ADIPOR2: variants seen among roughly 807,000 people sequenced by gnomAD.
The protein encoded by ADIPOR2 is adiponectin receptor protein 2.
Under a neutral mutation model 40.9 loss-of-function variants are expected in ADIPOR2, and 18 were observed. The observed-to-expected ratio is 0.44, with a 90% CI of 0.30 to 0.65. The LOEUF is 0.65. ADIPOR2 is among the 30% of genes least tolerant of loss of function. ADIPOR2 has a pLI of 0.09. For synonymous variants in ADIPOR2, 165 were observed against 166.4 expected, an observed-to-expected ratio of 0.99 and a Z score of 0.06; for missense variants, 283 against 479.2, an observed-to-expected ratio of 0.59 and a Z score of 3.82.
chr12:1,728,266 C>T (rs895952568), intron 1 of ADIPOR2, among the ~76,000 whole-genome samples: 1 of 151,842 alleles, frequency 6.6e-6, no homozygotes, highest in Non-Finnish European at 1.5e-5. Flanking sequence ...GCACCTGCCA[C>T]CACGCCCGGC....
At chr12:1,732,410 T>A (rs1378884459) in intron 1 of ADIPOR2, among the ~76,000 whole-genome samples, 1 of 152,250 alleles carries the variant, frequency 6.6e-6, no homozygotes, top group Non-Finnish European at 1.5e-5. Flanking sequence ...TCATATAATA[T>A]GTAATCTTTT....
intron 1 of ADIPOR2, among the ~76,000 whole-genome samples, chr12:1,704,055 A>ATTTTTTTTTTTTT (rs57190793): frequency 1.5e-5 from 1 of 67,532 alleles, no homozygotes; most frequent in Admixed American, 2.1e-4. Flanking sequence ...TCTACCTGGA[A>ATTTTTTTTTTTTT]TTTTTTTTTT....
intron 1 of ADIPOR2, among the ~76,000 whole-genome samples, chr12:1,753,759 G>T (rs898357109): frequency 5.9e-5 from 9 of 152,084 alleles, no homozygotes; most frequent in Non-Finnish European, 8.8e-5. Flanking sequence ...GATTGGATAT[G>T]TAAAGCCCAG....
intron 1 of ADIPOR2, among the ~76,000 whole-genome samples, chr12:1,719,877 A>G (rs907283469): frequency 6.6e-6 from 1 of 152,048 alleles, no homozygotes. Flanking sequence ...GGGTTTTACC[A>G]TGTTGGCCAG....
chr12:1,769,382 T>G (rs1185950373), intron 2 of ADIPOR2, among the ~76,000 whole-genome samples: 4 of 152,220 alleles, frequency 2.6e-5, no homozygotes, highest in African/African-American at 9.6e-5. Context: ...GGATACCGCA[T>G]TAGCAACTCC....
intron 1 of ADIPOR2, among the ~76,000 whole-genome samples, chr12:1,728,872 CA>C (rs1227139652): frequency 6.6e-6 from 1 of 151,608 alleles, no homozygotes; most frequent in African/African-American, 2.4e-5. Context: ...CTGGTCTTTC[CA>C]TCTTCCATCT....
chr12:1,727,415 T>G (rs1353316657), intron 1 of ADIPOR2, among the ~76,000 whole-genome samples: 2 of 152,204 alleles, frequency 1.3e-5, no homozygotes, highest in Non-Finnish European at 2.9e-5. Flanking sequence ...TATGTTTGAG[T>G]ATCTTTTTCC....
intron 2 of ADIPOR2, among the ~76,000 whole-genome samples, chr12:1,769,520 A>C (rs1862452973): frequency 6.6e-6 from 1 of 152,234 alleles, no homozygotes. Flanking sequence ...AAATCAACAG[A>C]TTTATTAATA....
chr12:1,769,736 T>G (rs1405477112), intron 2 of ADIPOR2, among the ~76,000 whole-genome samples: 1 of 152,108 alleles, frequency 6.6e-6, no homozygotes, highest in Non-Finnish European at 1.5e-5. Context: ...GAGACAGGGT[T>G]TCACCACGTT....
intron 7 of ADIPOR2, among the ~76,000 whole-genome samples, chr12:1,785,528 C>T (rs191416223): frequency 4.9e-4 from 75 of 152,322 alleles, no homozygotes; most frequent in African/African-American, 1.7e-3. Context: ...AAATGTCCAT[C>T]AGCAGTGAGT....
At chr12:1,708,280 C>T (rs1319159436) in intron 1 of ADIPOR2, among the ~76,000 whole-genome samples, 2 of 151,508 alleles carry the variant, frequency 1.3e-5, no homozygotes, top group East Asian at 3.9e-4. Flanking sequence ...TTCTTGAAAC[C>T]AGTCCACCAG....
intron 1 of ADIPOR2, among the ~76,000 whole-genome samples, chr12:1,748,306 T>C (rs890775635): frequency 3.3e-5 from 5 of 152,194 alleles, no homozygotes; most frequent in Admixed American, 6.5e-5. Flanking sequence ...TGGAGTGCAG[T>C]GGCGCGATCT....
intron 1 of ADIPOR2, among the ~76,000 whole-genome samples, chr12:1,700,742 A>G (rs1235296616): frequency 1.3e-5 from 2 of 151,560 alleles, no homozygotes; most frequent in South Asian, 2.1e-4. Flanking sequence ...CTAAGAAACT[A>G]TTTAAACTGG....
At chr12:1,716,429 G>T (rs545824059) in intron 1 of ADIPOR2, among the ~76,000 whole-genome samples, 21 of 152,276 alleles carry the variant, frequency 1.4e-4, no homozygotes, top group Admixed American at 5.9e-4. Context: ...TAGTATTGCT[G>T]TTAGTCATTA....
At chr12:1,715,051 G>T (rs2094684871) in intron 1 of ADIPOR2, among the ~76,000 whole-genome samples, 1 of 151,976 alleles carries the variant, frequency 6.6e-6, no homozygotes, top group African/African-American at 2.4e-5. Context: ...GTCCTTTGGA[G>T]ATTTCTTTGC....
chr12:1,714,995 C>G (rs1264213035), intron 1 of ADIPOR2, among the ~76,000 whole-genome samples: 1 of 151,972 alleles, frequency 6.6e-6, no homozygotes, highest in Non-Finnish European at 1.5e-5. Flanking sequence ...TTCCCCTCCC[C>G]CTACAGCTTG....
At chr12:1,723,737 T>G (rs376255407) in intron 1 of ADIPOR2, among the ~76,000 whole-genome samples, 1 of 151,948 alleles carries the variant, frequency 6.6e-6, no homozygotes, top group Admixed American at 6.6e-5. Context: ...ACAAACTATA[T>G]CATTCCAAAA....
chr12:1,728,734 A>AAAAT (rs977627383), intron 1 of ADIPOR2, among the ~76,000 whole-genome samples: 4 of 152,130 alleles, frequency 2.6e-5, no homozygotes, highest in African/African-American at 7.2e-5. Context: ...AAAAAAAACA[A>AAAAT]AAATAAATAA....
chr12:1,709,983 A>C (rs1023811775), intron 1 of ADIPOR2, among the ~76,000 whole-genome samples: 5 of 152,154 alleles, frequency 3.3e-5, no homozygotes, highest in Non-Finnish European at 7.3e-5. Context: ...CATCCTGCCT[A>C]GAAGATTGTG....
Sources: allele counts gnomAD v4.1 joint callset (sites outside exome capture counted in the v4.1 genomes callset), GRCh38; gene constraint gnomAD v4.1.1; transcripts MANE v1.5; gene names NCBI Gene and HGNC (gene_info 2026-07-23, HGNC 2026-07-21).